Variants in EPB41L2 observed in about 807,000 individuals in gnomAD.
EPB41L2 encodes the protein band 4.1-like protein 2.
Under a neutral mutation model 113.0 loss-of-function variants are expected in EPB41L2, and 43 were observed. The ratio of observed to expected loss-of-function variants is 0.38; its 90% confidence interval spans 0.30 to 0.49. The LOEUF is 0.49. Ranked by LOEUF, EPB41L2 falls within the 20% of genes least tolerant of loss-of-function variation. The probability of loss-of-function intolerance (pLI) is 0.95; values close to 1 mark genes in which losing one functional copy is unlikely to be tolerated. For synonymous variants in EPB41L2, 442 were observed against 436.7 expected, an observed-to-expected ratio of 1.01 and a Z score of -0.15; for missense variants, 1,147 against 1,223.4, an observed-to-expected ratio of 0.94 and a Z score of 0.93.
chr6:130,918,475 A>G (rs1172617082), intron 4 of EPB41L2, among the ~76,000 whole-genome samples: 1 of 152,128 alleles, frequency 6.6e-6, no homozygotes, highest in Non-Finnish European at 1.5e-5. Context: ...AACTATATGG[A>G]CTTGGAATTC....
At chr6:131,001,426 A>C (rs1340857930) in intron 1 of EPB41L2, among the ~76,000 whole-genome samples, 1 of 152,216 alleles carries the variant, frequency 6.6e-6, no homozygotes, top group Non-Finnish European at 1.5e-5. Context: ...TTGGTACAAC[A>C]CTAGAGAACA....
chr6:130,908,527 T>C (rs900942162), intron 5 of EPB41L2, among the ~76,000 whole-genome samples: 1 of 152,078 alleles, frequency 6.6e-6, no homozygotes, highest in African/African-American at 2.4e-5. Flanking sequence ...ACATAGAAAG[T>C]AAAATTTACA....
intron 4 of EPB41L2, among the ~76,000 whole-genome samples, chr6:130,919,454 C>T (rs555893446): frequency 1.3e-5 from 2 of 152,234 alleles, no homozygotes; most frequent in South Asian, 4.2e-4. Flanking sequence ...ACTTCATCAG[C>T]TCATTCTCAG....
At chr6:130,955,348 A>G (rs1817074280) in intron 2 of EPB41L2, 31 bp from the exon 3 acceptor site, 5 of 1,599,366 alleles carry the variant, frequency 3.1e-6, no homozygotes, top group African/African-American at 1.3e-5. Context: ...AATTCATACT[A>G]TAGTCAACCA....
At chr6:130,911,485 C>T (rs1048930937) in intron 4 of EPB41L2, among the ~76,000 whole-genome samples, 39 of 151,742 alleles carry the variant, frequency 2.6e-4, no homozygotes, top group African/African-American at 9.0e-4. Flanking sequence ...CAAACCTGCA[C>T]GTTCTGCACA....
chr6:130,922,104 G>A (rs1803070439), intron 4 of EPB41L2, among the ~76,000 whole-genome samples: 1 of 152,200 alleles, frequency 6.6e-6, no homozygotes, highest in Non-Finnish European at 1.5e-5. Flanking sequence ...GAACAATGGA[G>A]GAAGAAGAGA....
chr6:130,937,599 C>T (rs1809255306), intron 3 of EPB41L2, among the ~76,000 whole-genome samples: 1 of 152,080 alleles, frequency 6.6e-6, no homozygotes, highest in Non-Finnish European at 1.5e-5. Flanking sequence ...AGCAGGTGGA[C>T]CGTGAGGTCA....
intron 1 of EPB41L2, among the ~76,000 whole-genome samples, chr6:131,008,672 G>A (rs1562721582): frequency 6.6e-6 from 1 of 152,236 alleles, no homozygotes; most frequent in East Asian, 1.9e-4. Flanking sequence ...AAAGCCACAG[G>A]GGTGGAACTT....
intron 19 of EPB41L2, among the ~76,000 whole-genome samples, chr6:130,848,166 G>A (rs79264344): frequency 0.055 from 6,963 of 125,522 alleles, 227 homozygotes; most frequent in East Asian, 0.15. Flanking sequence ...CCCCCTAACA[G>A]TCTCTGTCTC....
chr6:130,991,526 C>T (rs1781865334), intron 1 of EPB41L2, among the ~76,000 whole-genome samples: 1 of 152,198 alleles, frequency 6.6e-6, no homozygotes, highest in African/African-American at 2.4e-5. Flanking sequence ...TAAATCTAAT[C>T]CTACAGTATT....
intron 18 of EPB41L2, among the ~76,000 whole-genome samples, chr6:130,858,949 A>G (rs1582744347): frequency 6.6e-6 from 1 of 152,344 alleles, no homozygotes; most frequent in South Asian, 2.1e-4. Context: ...ACAAAGATTA[A>G]TGGGTCTTTC....
chr6:130,955,188 A>G lies in EPB41L2; in HGVS notation c.622T>C (p.Ser208Pro). 1 of 1,614,090 alleles carries G rather than the reference A, an allele frequency of 6.2e-7. No homozygotes were observed. Among genetic ancestry groups the G allele is most frequent in the Non-Finnish European group, 8.5e-7 (1 of 1,180,008 alleles). The part of the protein sequence containing the change: ...QTNELKAEKA[S>P]QKVTKKTKTV... ...TTGGTCTTCTTGGTGACTTTTTGAG[A>G]TGCCTTCTCTGCTTTCAGCTCATTG... Residue 208 changes from serine to proline, a missense_variant, in exon 3 of 20, where the codon TCT becomes CCT. Coordinates refer to ENST00000337057, the MANE Select transcript of EPB41L2 (RefSeq NM_001431.4).
chr6:130,901,183 G>GT lies in EPB41L2; in HGVS notation c.930-4dup, dbSNP rs776720720. ...GGAGCTGAAGGCACAAGAAGTATCT[G>GT]TGAGGAGCAGAGGGAGAAATGGGTC... On this transcript the variant is annotated splice_region_variant and splice_polypyrimidine_tract_variant and intron_variant, in intron 6 of 19. Transcript: ENST00000337057. 1 of 1,612,734 alleles carries GT rather than the reference G, an allele frequency of 6.2e-7. No individual in the cohort carries two copies. The highest frequency in any genetic ancestry group is 1.1e-5 in the South Asian group (1 of 91,038).
At chr6:131,053,940 G>A (rs1297820202) in intron 1 of EPB41L2, among the ~76,000 whole-genome samples, 1 of 152,216 alleles carries the variant, frequency 6.6e-6, no homozygotes, top group African/African-American at 2.4e-5. Flanking sequence ...GGAAACCATG[G>A]CCAGCATGGC....
chr6:130,973,763 G>T (rs753826975), intron 1 of EPB41L2, among the ~76,000 whole-genome samples: 2 of 152,132 alleles, frequency 1.3e-5, no homozygotes, highest in Non-Finnish European at 2.9e-5. Context: ...TGCCTTTCTA[G>T]ATCAAATCAA....
At chr6:131,025,051 T>A (rs1028536092) in intron 1 of EPB41L2, among the ~76,000 whole-genome samples, 2 of 147,992 alleles carry the variant, frequency 1.4e-5, no homozygotes, top group Non-Finnish European at 3.0e-5. Flanking sequence ...TATTTCAGGG[T>A]TTTTTTTTTA....
At chr6:130,993,357 T>C (rs570927286) in intron 1 of EPB41L2, among the ~76,000 whole-genome samples, 51 of 152,256 alleles carry the variant, frequency 3.3e-4, no homozygotes, top group Non-Finnish European at 6.9e-4. Flanking sequence ...ACCCAACATA[T>C]ATTTCTAAAA....
At chr6:130,995,050 A>G (rs1217748875) in intron 1 of EPB41L2, among the ~76,000 whole-genome samples, 2 of 152,174 alleles carry the variant, frequency 1.3e-5, no homozygotes. Flanking sequence ...TACATAAAAC[A>G]GGCCGGCCAG....
chr6:130,908,733 A>G (rs1489870569), intron 5 of EPB41L2, 88 bp downstream of exon 5: 7 of 1,027,682 alleles, frequency 6.8e-6, no homozygotes, highest in East Asian at 5.0e-5. Context: ...AATGCAAAAT[A>G]GAACTGACCA....
Sources: gnomAD v4.1 joint callset for allele counts (sites outside exome capture counted in the v4.1 genomes callset) on GRCh38, gnomAD v4.1.1 for gene constraint, MANE v1.5 for transcripts, NCBI Gene and HGNC (gene_info 2026-07-23, HGNC 2026-07-21) for gene names.